Variants in OTOGL observed in about 807,000 individuals in gnomAD.
OTOGL encodes the protein otogelin like.
Under a neutral mutation model 318.5 loss-of-function variants are expected in OTOGL, and 285 were observed. The observed-to-expected ratio is 0.89, with a 90% CI of 0.81 to 0.99. The LOEUF is 0.99. Among genes scored for constraint, OTOGL ranks in the 50% least tolerant of loss-of-function variants. OTOGL has a pLI of 0.00. For missense variants in OTOGL, 2,899 were observed against 2,845.6 expected (o/e 1.02, Z -0.43); for synonymous variants, 987 against 936.5 (o/e 1.05, Z -0.99).
At chr12:80,311,116 T>C (rs985586090) in intron 30 of OTOGL, among the ~76,000 whole-genome samples, 5 of 152,182 alleles carry the variant, frequency 3.3e-5, no homozygotes, top group Non-Finnish European at 7.4e-5. Context: ...ATTTGAAATG[T>C]TTTTAGAAGC....
intron 1 of OTOGL, among the ~76,000 whole-genome samples, chr12:80,195,232 C>A (rs1297248333): frequency 6.6e-6 from 1 of 152,130 alleles, no homozygotes; most frequent in Non-Finnish European, 1.5e-5. Context: ...ATCTTAATAG[C>A]ATTTTAAGAC....
chr12:80,282,564 A>G (rs1430033706), intron 26 of OTOGL, among the ~76,000 whole-genome samples: 1 of 150,060 alleles, frequency 6.7e-6, no homozygotes, highest in Non-Finnish European at 1.5e-5. Context: ...TGTTTGGATT[A>G]TTTTCGGAGC....
intron 56 of OTOGL, among the ~76,000 whole-genome samples, chr12:80,371,646 T>G (rs2138098217): frequency 6.6e-6 from 1 of 152,224 alleles, no homozygotes; most frequent in Non-Finnish European, 1.5e-5. Flanking sequence ...ATTCAGAAAC[T>G]CAAGTCAAAT....
chr12:80,226,485 A>G (rs1312251457), intron 7 of OTOGL, among the ~76,000 whole-genome samples: 1 of 152,070 alleles, frequency 6.6e-6, no homozygotes, highest in Non-Finnish European at 1.5e-5. Flanking sequence ...TGCATTAAGC[A>G]AGTTATCAGC....
Position 80,159,132 on chromosome 12 carries a change from ATT to A in OTOGL, c.-19-50279_-19-50278del, listed in dbSNP as rs527779227. ...TAATTCTGTTTATGTGCTGTATCAC[ATT>A]TATTGACTTGTGTATGTTAAACCAT... On this transcript the variant is annotated intron_variant, in intron 1 of 58. Coordinates refer to ENST00000547103, the MANE Select transcript of OTOGL (RefSeq NM_001378609.3). Among the ~76,000 whole-genome samples, 24 of 152,186 alleles carry A rather than the reference ATT, an allele frequency of 1.6e-4. No individual in the cohort carries two copies. The East Asian group carries it at 4.6e-3, about 29-fold the overall frequency.
At chr12:80,323,613 C>G (rs967388029) in intron 34 of OTOGL, 110 bp from the exon 35 acceptor site, 1 of 806,202 alleles carries the variant, frequency 1.2e-6, no homozygotes, top group East Asian at 2.7e-5. Flanking sequence ...AGTGCCACTG[C>G]GCTCGAGCCT....
chr12:80,253,860 C>A (rs1179272540), intron 14 of OTOGL, among the ~76,000 whole-genome samples: 1 of 152,040 alleles, frequency 6.6e-6, no homozygotes, highest in Non-Finnish European at 1.5e-5. Flanking sequence ...ACTGTTAGAA[C>A]TTGATGGTGC....
chr12:80,272,968 G>A (rs1228299792), intron 24 of OTOGL, among the ~76,000 whole-genome samples: 2 of 152,074 alleles, frequency 1.3e-5, no homozygotes, highest in East Asian at 1.9e-4. Flanking sequence ...AACATTGCTT[G>A]ATTTATTTGA....
chr12:80,155,854 A>T (rs1873080254), intron 1 of OTOGL, among the ~76,000 whole-genome samples: 1 of 152,206 alleles, frequency 6.6e-6, no homozygotes, highest in South Asian at 2.1e-4. Context: ...ACCACAGATA[A>T]GTGAGAACGT....
intron 1 of OTOGL, among the ~76,000 whole-genome samples, chr12:80,196,644 C>T (rs531629022): frequency 6.6e-6 from 1 of 152,312 alleles, no homozygotes; most frequent in East Asian, 1.9e-4. Context: ...CTGCAGGTGT[C>T]TGCTCTGGGC....
intron 8 of OTOGL, 58 bp from the exon 9 acceptor site, chr12:80,232,834 T>C: frequency 7.3e-7 from 1 of 1,372,630 alleles, no homozygotes; most frequent in South Asian, 1.3e-5. Flanking sequence ...TAAAAATATG[T>C]CATCTGTAAT....
chr12:80,233,201 G>T, intron 9 of OTOGL, 104 bp downstream of exon 9: 3 of 1,045,550 alleles, frequency 2.9e-6, no homozygotes, highest in Non-Finnish European at 4.0e-6. Flanking sequence ...GGGAAAATTT[G>T]TGGCTGTCAC....
chr12:80,244,870 G>A (rs1419625541), intron 11 of OTOGL, among the ~76,000 whole-genome samples: 1 of 145,126 alleles, frequency 6.9e-6, no homozygotes, highest in East Asian at 2.0e-4. Flanking sequence ...TAACTGGTGT[G>A]AGATGATATC....
chr12:80,124,339 G>C (rs905813975), intron 1 of OTOGL, among the ~76,000 whole-genome samples: 1 of 152,184 alleles, frequency 6.6e-6, no homozygotes, highest in Non-Finnish European at 1.5e-5. Flanking sequence ...TCGAAGATCA[G>C]ATAGTTGTAG....
At chr12:80,236,908 G>A (rs1592587653) in intron 9 of OTOGL, among the ~76,000 whole-genome samples, 3 of 149,412 alleles carry the variant, frequency 2.0e-5, no homozygotes, top group South Asian at 4.3e-4. Context: ...TCCTCCTCCC[G>A]GGTTCAAACA....
chr12:80,304,812 A>G (rs1886002553), intron 28 of OTOGL, among the ~76,000 whole-genome samples: 1 of 152,196 alleles, frequency 6.6e-6, no homozygotes, highest in Admixed American at 6.5e-5. Flanking sequence ...AAGCAGTAGA[A>G]CTACTCCTTA....
intron 52 of OTOGL, among the ~76,000 whole-genome samples, chr12:80,362,423 A>C (rs1210302492): frequency 1.3e-5 from 2 of 152,152 alleles, no homozygotes; most frequent in African/African-American, 4.8e-5. Context: ...TGATGCTGCC[A>C]GCTGTGTTCT....
intron 1 of OTOGL, among the ~76,000 whole-genome samples, chr12:80,103,821 A>C (rs1418697102): frequency 6.6e-6 from 1 of 152,194 alleles, no homozygotes; most frequent in Non-Finnish European, 1.5e-5. Context: ...AAAAAGAAAA[A>C]TGGGCCTGTA....
intron 30 of OTOGL, among the ~76,000 whole-genome samples, chr12:80,313,026 A>G (rs1886736316): frequency 6.6e-6 from 1 of 152,322 alleles, no homozygotes; most frequent in Admixed American, 6.5e-5. Context: ...TTAAGTAAAT[A>G]GAATAAGTTG....
Sources: allele counts gnomAD v4.1 joint callset (sites outside exome capture counted in the v4.1 genomes callset), GRCh38; gene constraint gnomAD v4.1.1; transcripts MANE v1.5; gene names NCBI Gene and HGNC (gene_info 2026-07-23, HGNC 2026-07-21).